Variants in TAOK3 observed in about 807,000 individuals in gnomAD.
TAOK3 encodes TAO kinase 3.
A neutral mutation model predicts 120.4 loss-of-function variants in TAOK3; 40 were observed. The observed-to-expected ratio is 0.33, with a 90% CI of 0.26 to 0.43. The LOEUF (loss-of-function observed/expected upper bound fraction) is 0.43. TAOK3 is among the 20% of genes least tolerant of loss of function. TAOK3 has a pLI of 1.00. For missense variants in TAOK3, 821 were observed against 1,112.1 expected (o/e 0.74, Z 3.72); for synonymous variants, 355 against 387.5 (o/e 0.92, Z 0.99).
At chr12:118,340,466 A>G (rs1312032948) in intron 1 of TAOK3, among the ~76,000 whole-genome samples, 4 of 152,204 alleles carry the variant, frequency 2.6e-5, no homozygotes, top group Admixed American at 6.5e-5. Flanking sequence ...ATTTTTTATG[A>G]AAAGAAAATG....
At chr12:118,243,300 A>G in intron 5 of TAOK3, 115 bp downstream of exon 5, 3 of 622,976 alleles carry the variant, frequency 4.8e-6, no homozygotes. Flanking sequence ...ACTGATAACA[A>G]AAGTTAAATG....
intron 6 of TAOK3, among the ~76,000 whole-genome samples, chr12:118,238,745 C>T (rs2139924306): frequency 6.6e-6 from 1 of 152,078 alleles, no homozygotes; most frequent in South Asian, 2.1e-4. Context: ...AGTGATCCTC[C>T]TGTCTCAGAC....
At position 118,255,441 on chromosome 12, in the gene TAOK3, T is replaced by A; in HGVS notation, c.120+7A>T. On this transcript the variant is annotated splice_region_variant and intron_variant, in intron 3 of 20. Coordinates refer to ENST00000392533, the MANE Select transcript of TAOK3 (RefSeq NM_016281.4). ...GATCTATCTAAAAGACTCTTTTAAG[T>A]ACTTACAAAATAAACTGCTCCAAAA... is the stretch of plus-strand genomic sequence containing the variant. 6.2e-7 allele frequency: 1 copy of A among 1,614,016 alleles called. No individual in the cohort carries two copies. The highest frequency in any genetic ancestry group is 8.5e-7 in the Non-Finnish European group (1 of 1,179,946).
chr12:118,358,505 T>C (rs1244853471), intron 1 of TAOK3, among the ~76,000 whole-genome samples: 1 of 152,206 alleles, frequency 6.6e-6, no homozygotes, highest in African/African-American at 2.4e-5. Context: ...AGTAGCTTGA[T>C]TGTAAAATAT....
Position 118,270,344 on chromosome 12 carries a change from A to C in TAOK3, c.-193-3585T>G, listed in dbSNP as rs891620329. 5.3e-5 allele frequency among the ~76,000 whole-genome samples: 8 copies of C among 152,186 alleles called. No homozygotes were observed. The East Asian group carries it at 1.3e-3, about 26-fold the overall frequency. On this transcript the variant is annotated intron_variant, in intron 1 of 20. Coordinates refer to ENST00000392533, the MANE Select transcript of TAOK3 (RefSeq NM_016281.4). ...CTATCTTTTCTGGAATTAGAAAAAC[A>C]CTATTACCATAATCATCTTTCTAAA... is the stretch of plus-strand genomic sequence containing the variant.
At chr12:118,321,465 G>A (rs1240415417) in intron 1 of TAOK3, among the ~76,000 whole-genome samples, 1 of 152,060 alleles carries the variant, frequency 6.6e-6, no homozygotes, top group African/African-American at 2.4e-5. Context: ...TTGCCATGTT[G>A]CCCAGGCTGG....
chr12:118,251,245 C>A (rs1289027542), intron 3 of TAOK3, among the ~76,000 whole-genome samples: 1 of 152,114 alleles, frequency 6.6e-6, no homozygotes, highest in Non-Finnish European at 1.5e-5. Context: ...GTACAAGTAA[C>A]AAAAGGAAAA....
At chr12:118,203,039 C>G (rs2038110948) in intron 11 of TAOK3, among the ~76,000 whole-genome samples, 1 of 152,048 alleles carries the variant, frequency 6.6e-6, no homozygotes, top group Non-Finnish European at 1.5e-5. Flanking sequence ...CTCAGCCTCC[C>G]AAAGTGTTGG....
At chr12:118,275,546 G>T (rs2041873651) in intron 1 of TAOK3, among the ~76,000 whole-genome samples, 1 of 152,130 alleles carries the variant, frequency 6.6e-6, no homozygotes, top group Non-Finnish European at 1.5e-5. Flanking sequence ...TCTCAAACAT[G>T]ATTAATAATC....
chr12:118,161,646 G>A lies in TAOK3; in HGVS notation c.2139+142C>T. 1 of 1,132,316 alleles carries A rather than the reference G, an allele frequency of 8.8e-7. No homozygotes were observed. Among genetic ancestry groups the A allele is most frequent in the Non-Finnish European group, 1.3e-6 (1 of 787,852 alleles). The allele number at this position is 1,132,316 out of a possible 1,614,324, so 70.1% of individuals were successfully genotyped here. A position where few individuals can be genotyped will look rare whatever the true frequency, so the allele number is the denominator to read the frequency against. On this transcript the variant is annotated intron_variant, in intron 18 of 20. Transcript: ENST00000392533. This position sits in a 1 kb window ranked among gnomAD's most constrained non-coding sequence, Gnocchi z 4.5. Reference sequence around the variant, plus strand: ...TTTCAGGAGCTTAAATATAGACTCTGTGCTTTGCAACTGGAGATTCTGATA... The same window carrying A: ...TTTCAGGAGCTTAAATATAGACTCTATGCTTTGCAACTGGAGATTCTGATA...
At position 118,198,828 on chromosome 12, in the gene TAOK3, A is replaced by G; in HGVS notation, c.1194+223T>C. 6 of 562,858 alleles carry G rather than the reference A, an allele frequency of 1.1e-5. No homozygotes were observed. The South Asian group carries it at 1.2e-4, about 11-fold the overall frequency. 34.9% of individuals were successfully genotyped at this position (562,858 alleles called of 1,614,324 possible). A position where few individuals can be genotyped will look rare whatever the true frequency, so the allele number is the denominator to read the frequency against. Reference sequence around the variant, plus strand: ...TTCTTCAACTTATTTATTGATGATGATGGACATCAGAGTAATGAGAGAGGG... The same window carrying G: ...TTCTTCAACTTATTTATTGATGATGGTGGACATCAGAGTAATGAGAGAGGG... On this transcript the variant is annotated intron_variant, in intron 13 of 20. Transcript: ENST00000392533.
intron 19 of TAOK3, among the ~76,000 whole-genome samples, chr12:118,158,427 G>A (rs773007191): frequency 6.6e-6 from 1 of 152,030 alleles, no homozygotes; most frequent in African/African-American, 2.4e-5. Context: ...CCCACAAAAC[G>A]CAGACACCAG....
At chr12:118,301,940 T>C (rs1330662010) in intron 1 of TAOK3, among the ~76,000 whole-genome samples, 2 of 152,222 alleles carry the variant, frequency 1.3e-5, no homozygotes, top group African/African-American at 2.4e-5. Flanking sequence ...GACCATATTT[T>C]TTCTCCTCAG....
At chr12:118,364,627 G>A (rs1272037289) in intron 1 of TAOK3, among the ~76,000 whole-genome samples, 1 of 152,200 alleles carries the variant, frequency 6.6e-6, no homozygotes, top group East Asian at 1.9e-4. Flanking sequence ...AAAATAAGAG[G>A]CCAGGCACAG....
chr12:118,290,211 C>T (rs2042422641), intron 1 of TAOK3, among the ~76,000 whole-genome samples: 1 of 152,098 alleles, frequency 6.6e-6, no homozygotes, highest in Non-Finnish European at 1.5e-5. Flanking sequence ...TTGTAAAGGG[C>T]GTATGAAATC....
chr12:118,369,785 T>C (rs977685622), intron 1 of TAOK3, among the ~76,000 whole-genome samples: 3 of 152,222 alleles, frequency 2.0e-5, no homozygotes, highest in African/African-American at 7.2e-5. Flanking sequence ...ACATCTTAAA[T>C]ATAGTGTCTC....
intron 11 of TAOK3, among the ~76,000 whole-genome samples, chr12:118,208,805 G>A (rs544071983): frequency 2.6e-5 from 4 of 152,008 alleles, no homozygotes; most frequent in South Asian, 2.1e-4. Context: ...TTCGCCTTCC[G>A]GGTTCAAGTG....
chr12:118,299,149 C>T (rs2042784250), intron 1 of TAOK3, among the ~76,000 whole-genome samples: 1 of 152,016 alleles, frequency 6.6e-6, no homozygotes, highest in Admixed American at 6.5e-5. Flanking sequence ...GTAAAAAATA[C>T]AAGATTAAAT....
intron 11 of TAOK3, among the ~76,000 whole-genome samples, chr12:118,205,830 C>G (rs182289727): frequency 8.5e-5 from 13 of 152,098 alleles, no homozygotes; most frequent in Admixed American, 2.0e-4. Context: ...AGGCTGGTCT[C>G]AAACTCCTGA....
Sources: gnomAD v4.1 joint callset for allele counts (sites outside exome capture counted in the v4.1 genomes callset) on GRCh38, gnomAD v4.1.1 for gene constraint, Gnocchi (gnomAD v3.1) non-coding constraint, MANE v1.5 for transcripts, NCBI Gene and HGNC (gene_info 2026-07-23, HGNC 2026-07-21) for gene names.